The following SATB1 variants were observed in gnomAD, a reference collection of about 807,000 sequenced individuals.
SATB1 encodes DNA-binding protein SATB1.
A neutral mutation model predicts 86.9 loss-of-function variants in SATB1; 11 were observed. The ratio of observed to expected loss-of-function variants is 0.13; its 90% CI spans 0.08 to 0.21. The LOEUF is 0.21. Ranked by LOEUF, SATB1 falls within the 10% of genes least tolerant of loss-of-function variation. SATB1 has a pLI of 1.00. For synonymous variants in SATB1, 357 were observed against 357.2 expected (o/e 1.00, Z 0.01); for missense variants, 551 against 937.6 (o/e 0.59, Z 5.39).
chr3:18,442,116 G>A (rs925122992), upstream of SATB1, among the ~76,000 whole-genome samples: 1 of 151,934 alleles, frequency 6.6e-6, no homozygotes, highest in African/African-American at 2.4e-5. Flanking sequence ...CATTGATTCT[G>A]GAAATAACTA....
intron 5 of SATB1, among the ~76,000 whole-genome samples, chr3:18,414,193 T>C (rs536581392): frequency 6.6e-6 from 1 of 152,228 alleles, no homozygotes; most frequent in South Asian, 2.1e-4. Flanking sequence ...ACATTTTAAT[T>C]ATACTGTATC....
chr3:18,427,181 A>G (rs1698734942), upstream of SATB1, among the ~76,000 whole-genome samples: 1 of 152,196 alleles, frequency 6.6e-6, no homozygotes, highest in Non-Finnish European at 1.5e-5. Flanking sequence ...GAAGGAAGAT[A>G]TGTTAGCTAA....
intron 8 of SATB1, among the ~76,000 whole-genome samples, chr3:18,379,820 G>C (rs1451067694): frequency 1.3e-5 from 2 of 152,176 alleles, no homozygotes; most frequent in African/African-American, 4.8e-5. Context: ...AGGCCTGAAG[G>C]GGACACAGCA....
chr3:18,406,588 T>C (rs897803613), intron 5 of SATB1, among the ~76,000 whole-genome samples: 2 of 152,078 alleles, frequency 1.3e-5, no homozygotes, highest in African/African-American at 4.8e-5. Flanking sequence ...TTAACTGTGA[T>C]GTATAATCAG....
intron 9 of SATB1, among the ~76,000 whole-genome samples, chr3:18,354,129 T>A (rs1447576055): frequency 6.6e-6 from 1 of 152,228 alleles, no homozygotes; most frequent in Non-Finnish European, 1.5e-5. Context: ...AAAACTGTTA[T>A]GTGAACATCT....
chr3:18,362,124 T>C (rs1012831197), intron 9 of SATB1, among the ~76,000 whole-genome samples: 2 of 152,150 alleles, frequency 1.3e-5, no homozygotes, highest in Admixed American at 6.6e-5. Flanking sequence ...CTCAAACATC[T>C]CTTGAATTTG....
At chr3:18,377,609 C>T (rs9310556) in intron 9 of SATB1, among the ~76,000 whole-genome samples, 130,077 of 152,198 alleles carry the variant, frequency 0.85, 55,736 homozygotes, top group East Asian at 0.94. Flanking sequence ...GTGTGTCTTG[C>T]ATACTCTACA....
chr3:18,426,449 T>TC (rs1698706046), upstream of SATB1, among the ~76,000 whole-genome samples: 1 of 152,238 alleles, frequency 6.6e-6, no homozygotes, highest in Admixed American at 6.5e-5. The surrounding 1 kb of genome is among the most constrained non-coding windows in gnomAD (Gnocchi z 4.2). Flanking sequence ...TAAATACATC[T>TC]GTTGTAGCAA....
At chr3:18,421,033 G>T in intron 1 of SATB1, 42 bp from the exon 2 acceptor site, 3 of 1,400,350 alleles carry the variant, frequency 2.1e-6, no homozygotes, top group Non-Finnish European at 3.0e-6. Flanking sequence ...GTTGGGCGGG[G>T]ACCTACGTGT....
intron 7 of SATB1, among the ~76,000 whole-genome samples, chr3:18,389,236 T>C (rs1346569352): frequency 1.3e-5 from 2 of 150,642 alleles, no homozygotes; most frequent in Admixed American, 6.6e-5. Context: ...GTGTAGACAG[T>C]CTCAGGTGTT....
At chr3:18,401,595 C>T (rs1178346096) in intron 5 of SATB1, among the ~76,000 whole-genome samples, 1 of 152,046 alleles carries the variant, frequency 6.6e-6, no homozygotes, top group Non-Finnish European at 1.5e-5. Flanking sequence ...ATAAAATAAA[C>T]CAACCGACAA....
chr3:18,364,440 A>T (rs992183948), intron 9 of SATB1, among the ~76,000 whole-genome samples: 3 of 152,152 alleles, frequency 2.0e-5, no homozygotes, highest in African/African-American at 7.2e-5. Context: ...AGAACAACAT[A>T]ATAGGACAGG....
At chr3:18,425,832 A>G (rs1209340434), upstream of SATB1, among the ~76,000 whole-genome samples, 7 of 98,202 alleles carry the variant, frequency 7.1e-5, no homozygotes, top group Non-Finnish European at 1.4e-4. Flanking sequence ...GAGGGGCAGG[A>G]CGGGCAGGAC....
chr3:18,435,672 T>G (rs1344400065), intron 2 of SATB1, among the ~76,000 whole-genome samples: 1 of 152,030 alleles, frequency 6.6e-6, no homozygotes, highest in African/African-American at 2.4e-5. Context: ...TTAGGTAATC[T>G]ACAGATAGAG....
chr3:18,349,048 G>GT lies in SATB1; in HGVS notation c.*121dup. ...TTTTCCAACTTTTCTGTTTGTGCAAGTTTTTGAAGATTCATTGGCCAAACA... is the reference window on the plus strand; with the variant it reads ...TTTTCCAACTTTTCTGTTTGTGCAAGTTTTTTGAAGATTCATTGGCCAAACA... On this transcript the variant is annotated 3_prime_UTR_variant, in exon 11 of 11. Coordinates refer to ENST00000338745, the MANE Select transcript of SATB1 (RefSeq NM_002971.6). The surrounding 1 kb of genome is among the most constrained non-coding windows in gnomAD (Gnocchi z 5.5). 1 of 1,463,886 alleles carries GT rather than the reference G, an allele frequency of 6.8e-7. No homozygotes were observed. The highest frequency in any genetic ancestry group is 9.1e-7 in the Non-Finnish European group (1 of 1,104,716). 90.7% of individuals were successfully genotyped at this position (1,463,886 alleles called of 1,614,324 possible).
intron 2 of SATB1, among the ~76,000 whole-genome samples, chr3:18,418,334 C>T (rs1698222351): frequency 6.6e-6 from 1 of 152,112 alleles, no homozygotes; most frequent in Non-Finnish European, 1.5e-5. Context: ...CTTGTTTCTG[C>T]TGAACAAAAG....
At chr3:18,376,182 T>C (rs535976076) in intron 9 of SATB1, among the ~76,000 whole-genome samples, 19 of 151,998 alleles carry the variant, frequency 1.3e-4, no homozygotes, top group African/African-American at 2.4e-4. Flanking sequence ...TCAGCCCAGA[T>C]TGGGGAGAAC....
chr3:18,396,289 A>T (rs899170029), intron 6 of SATB1, among the ~76,000 whole-genome samples: 5 of 147,844 alleles, frequency 3.4e-5, no homozygotes, highest in African/African-American at 8.0e-5. Context: ...TTAAAAAATT[A>T]AAAAAAAATT....
intron 8 of SATB1, among the ~76,000 whole-genome samples, chr3:18,382,456 C>T (rs933377080): frequency 9.9e-5 from 15 of 152,130 alleles, no homozygotes; most frequent in African/African-American, 2.2e-4. Flanking sequence ...TATACCCTTA[C>T]GGTAGAAATC....
Sources: allele counts gnomAD v4.1 joint callset (sites outside exome capture counted in the v4.1 genomes callset), GRCh38; gene constraint gnomAD v4.1.1; non-coding constraint Gnocchi (gnomAD v3.1); transcripts MANE v1.5; gene names NCBI Gene and HGNC (gene_info 2026-07-23, HGNC 2026-07-21).